Variants in CSNK1G1 observed in about 807,000 individuals in gnomAD.
The protein encoded by CSNK1G1 is casein kinase 1 gamma 1.
In CSNK1G1, 22 loss-of-function variants were observed where a neutral mutation model predicts 59.6. That is an observed-to-expected ratio of 0.37 (90% CI 0.26 to 0.53). The LOEUF is 0.53. CSNK1G1 is among the 20% of genes least tolerant of loss of function. The pLI is 0.89. For synonymous variants in CSNK1G1, 179 were observed against 177.1 expected, an observed-to-expected ratio of 1.01 and a Z score of -0.08; for missense variants, 384 against 519.5, an observed-to-expected ratio of 0.74 and a Z score of 2.54.
intron 4 of CSNK1G1, among the ~76,000 whole-genome samples, chr15:64,232,781 G>GA (rs951686841): frequency 1.3e-5 from 2 of 151,906 alleles, no homozygotes; most frequent in Non-Finnish European, 2.9e-5. Context: ...CAATGCCAGA[G>GA]AAATGGCTGT....
At chr15:64,179,954 C>T (rs1054768551) in intron 11 of CSNK1G1, 3 of 170,114 alleles carry the variant, frequency 1.8e-5, no homozygotes, top group Non-Finnish European at 2.6e-5. Context: ...GATTGTACAT[C>T]CAGTTGCTAG....
intron 1 of CSNK1G1, among the ~76,000 whole-genome samples, chr15:64,311,044 A>G (rs1052823919): frequency 6.6e-6 from 1 of 150,750 alleles, no homozygotes; most frequent in African/African-American, 2.4e-5. Flanking sequence ...ATATATACAT[A>G]TGCATTTTAT....
chr15:64,276,304 C>T (rs1206470215), intron 2 of CSNK1G1, among the ~76,000 whole-genome samples: 3 of 152,066 alleles, frequency 2.0e-5, no homozygotes, highest in African/African-American at 4.8e-5. Context: ...TTTTCTGCAG[C>T]AGAGAAATAC....
chr15:64,347,560 G>T (rs1268318914), intron 1 of CSNK1G1, among the ~76,000 whole-genome samples: 2 of 145,522 alleles, frequency 1.4e-5, no homozygotes, highest in Admixed American at 7.1e-5. Context: ...AGGCCAGCCT[G>T]GTCAACATAG....
At chr15:64,244,155 C>T (rs1490054192) in intron 4 of CSNK1G1, among the ~76,000 whole-genome samples, 7 of 151,536 alleles carry the variant, frequency 4.6e-5, no homozygotes, top group African/African-American at 7.3e-5. Context: ...GGCGACAGAG[C>T]GAGACTCTGT....
intron 7 of CSNK1G1, among the ~76,000 whole-genome samples, chr15:64,205,773 A>T (rs2082170859): frequency 6.6e-6 from 1 of 152,166 alleles, no homozygotes; most frequent in Admixed American, 6.5e-5. Flanking sequence ...TTGACATGAA[A>T]CTCTATTTGA....
intron 2 of CSNK1G1, among the ~76,000 whole-genome samples, chr15:64,279,160 C>A (rs146813891): frequency 4.8e-4 from 73 of 152,302 alleles, no homozygotes; most frequent in African/African-American, 1.6e-3. Flanking sequence ...GTAAAGCACA[C>A]AAACGTTAAC....
intron 4 of CSNK1G1, among the ~76,000 whole-genome samples, chr15:64,223,094 A>G (rs2140278778): frequency 6.6e-6 from 1 of 152,284 alleles, no homozygotes; most frequent in African/African-American, 2.4e-5. Flanking sequence ...TTCTACTCTG[A>G]GCCTGGTTTT....
intron 4 of CSNK1G1, among the ~76,000 whole-genome samples, chr15:64,224,340 G>C (rs2082428835): frequency 6.6e-6 from 1 of 151,946 alleles, no homozygotes; most frequent in African/African-American, 2.4e-5. Flanking sequence ...TATCATTAAA[G>C]AAAATAATAT....
At chr15:64,272,653 T>C (rs1893387013) in intron 2 of CSNK1G1, among the ~76,000 whole-genome samples, 1 of 152,238 alleles carries the variant, frequency 6.6e-6, no homozygotes, top group South Asian at 2.1e-4. Flanking sequence ...CTTTATAGTT[T>C]CACTAGTTTG....
intron 10 of CSNK1G1, among the ~76,000 whole-genome samples, chr15:64,186,786 G>A (rs977262105): frequency 2.0e-5 from 3 of 151,960 alleles, no homozygotes; most frequent in Non-Finnish European, 4.4e-5. Context: ...TGGAATTATC[G>A]GTGTTAGCCA....
chr15:64,254,659 C>A (rs1359036801), intron 3 of CSNK1G1, among the ~76,000 whole-genome samples: 1 of 152,098 alleles, frequency 6.6e-6, no homozygotes, highest in Admixed American at 6.5e-5. Flanking sequence ...GCCAATGCCA[C>A]TGCACTTTAA....
intron 2 of CSNK1G1, among the ~76,000 whole-genome samples, chr15:64,286,758 T>C (rs535834850): frequency 6.6e-6 from 1 of 152,274 alleles, no homozygotes. Context: ...AGAGGCATAG[T>C]GTTTATAACA....
rs1345823862 is a variant in CSNK1G1, at chr15:64,168,638, G to A, written c.*3293C>T. On this transcript the variant is annotated 3_prime_UTR_variant, in exon 12 of 12. Coordinates refer to ENST00000303052, the MANE Select transcript of CSNK1G1 (RefSeq NM_022048.5). ...AAAAAGATCGTTAGGCACCATACTT[G>A]TGAAATGGAGAAAGCTCAGAAACTA... 2.6e-5 allele frequency: 4 copies of A among 152,228 alleles called. No individual in the cohort carries two copies. The East Asian group carries it at 7.7e-4, about 29-fold the overall frequency. 9.4% of individuals were successfully genotyped at this position (152,228 alleles called of 1,614,324 possible). A position where few individuals can be genotyped will look rare whatever the true frequency, so the allele number is the denominator to read the frequency against.
rs1227153444 is a variant in CSNK1G1, at chr15:64,188,987, A to G, written c.1108-8533T>C. 3.3e-5 allele frequency among the ~76,000 whole-genome samples: 5 copies of G among 152,112 alleles called. No individual in the cohort carries two copies. Among genetic ancestry groups the G allele is most frequent in the Non-Finnish European group, 5.9e-5 (4 of 68,020 alleles). On this transcript the variant is annotated intron_variant, in intron 10 of 11. Coordinates refer to ENST00000303052, the MANE Select transcript of CSNK1G1 (RefSeq NM_022048.5). The surrounding 1 kb of genome is among the most constrained non-coding windows in gnomAD (Gnocchi z 4.2). ...CTAAAATTACAAAAATGAGCTGGGC[A>G]TGGTGGCGCACACCTGTGATCCCAG...
intron 3 of CSNK1G1, among the ~76,000 whole-genome samples, chr15:64,258,143 G>A (rs1325731571): frequency 6.6e-6 from 1 of 152,080 alleles, no homozygotes; most frequent in Non-Finnish European, 1.5e-5. Context: ...AATGCCAGGC[G>A]TGGTGGCTCA....
At chr15:64,264,082 G>T (rs1892851352) in intron 2 of CSNK1G1, among the ~76,000 whole-genome samples, 1 of 152,010 alleles carries the variant, frequency 6.6e-6, no homozygotes, top group Non-Finnish European at 1.5e-5. Flanking sequence ...GAAAGTTCTT[G>T]TGAGAAAGTT....
intron 7 of CSNK1G1, among the ~76,000 whole-genome samples, chr15:64,205,568 T>TCA (rs2082165971): frequency 6.6e-6 from 1 of 152,214 alleles, no homozygotes; most frequent in South Asian, 2.1e-4. Flanking sequence ...GAACCCTGGA[T>TCA]CAACAGTGGG....
chr15:64,276,189 T>A (rs1893606296), intron 2 of CSNK1G1, among the ~76,000 whole-genome samples: 1 of 152,164 alleles, frequency 6.6e-6, no homozygotes, highest in South Asian at 2.1e-4. Context: ...TCAGAAAGTG[T>A]CTATGTACTT....
Sources: gnomAD v4.1 joint callset for allele counts (sites outside exome capture counted in the v4.1 genomes callset) on GRCh38, gnomAD v4.1.1 for gene constraint, Gnocchi (gnomAD v3.1) non-coding constraint, MANE v1.5 for transcripts, NCBI Gene and HGNC (gene_info 2026-07-23, HGNC 2026-07-21) for gene names.